CLIP4: variants seen among roughly 807,000 people sequenced by gnomAD.
CLIP4 encodes CAP-Gly domain containing linker protein family member 4.
In CLIP4, 47 loss-of-function variants were observed where a neutral mutation model predicts 73.1. The observed-to-expected ratio is 0.64, with a 90% CI of 0.51 to 0.82. The LOEUF (loss-of-function observed/expected upper bound fraction) is 0.82, where lower values mean the gene tolerates loss of function less well. Ranked by LOEUF, CLIP4 falls within the 40% of genes least tolerant of loss-of-function variation. The pLI is 0.00. For synonymous variants in CLIP4, 306 were observed against 295.4 expected, an observed-to-expected ratio of 1.04 and a Z score of -0.37; for missense variants, 874 against 852.9, an observed-to-expected ratio of 1.02 and a Z score of -0.31.
intron 7 of CLIP4, among the ~76,000 whole-genome samples, chr2:29,144,297 T>C (rs557518161): frequency 2.8e-4 from 42 of 152,232 alleles, no homozygotes; most frequent in Non-Finnish European, 5.4e-4. Context: ...TGCTCCTCCA[T>C]AGAAATGGAG....
In CLIP4 at chr2:29,140,909, G is replaced by A. The variant is rs554801406; in HGVS notation, c.649-2800G>A. Among the ~76,000 whole-genome samples the A allele has an allele frequency of 2.0e-5, 3 of 152,142 alleles. No homozygotes were observed. The South Asian group carries it at 6.2e-4, about 32-fold the overall frequency. ...AGGAGTGTCTGTTCTTATTTTTCTA[G>A]TTCCCTTAGGTGCAATGTTAGGTTG... On this transcript the variant is annotated intron_variant, in intron 6 of 15. Coordinates refer to ENST00000320081, the MANE Select transcript of CLIP4 (RefSeq NM_024692.6).
rs754774660 is a variant in CLIP4, at chr2:29,157,366, A to G, written c.1399+19A>G. 3.1e-6 allele frequency: 5 copies of G among 1,613,946 alleles called. No homozygotes were observed. Among genetic ancestry groups the G allele is most frequent in the Non-Finnish European group, 3.4e-6 (4 of 1,179,848 alleles). Reference sequence around the variant, plus strand: ...AGTGCTGGTATCTATGGCTTTTTCAACCAGGCTTTCTTGGTGTTTTTTATC... The same window carrying G: ...AGTGCTGGTATCTATGGCTTTTTCAGCCAGGCTTTCTTGGTGTTTTTTATC... On this transcript the variant is annotated intron_variant, in intron 11 of 15. Transcript: ENST00000320081.
In CLIP4 at chr2:29,125,555, C is replaced by T. The variant is rs187183760; in HGVS notation, c.133+4034C>T. ...GTCTCTTCAACTCAGCGAGTCCAGA[C>T]TCTTACTTAGCTCTGTCTCCTCAAC... On this transcript the variant is annotated intron_variant, in intron 2 of 15. Coordinates refer to ENST00000320081, the MANE Select transcript of CLIP4 (RefSeq NM_024692.6). 1.1e-3 allele frequency among the ~76,000 whole-genome samples: 164 copies of T among 152,228 alleles called. 2 individuals carry two copies. Among genetic ancestry groups the T allele is most frequent in the African/African-American group, 3.8e-3 (156 of 41,540 alleles).
chr2:29,106,870 C>T (rs1242866030), intron 1 of CLIP4, among the ~76,000 whole-genome samples: 1 of 152,120 alleles, frequency 6.6e-6, no homozygotes, highest in African/African-American at 2.4e-5. Context: ...TAGACAATAG[C>T]TTATTCTTCT....
At chr2:29,145,960 G>A (rs1202858337) in intron 8 of CLIP4, among the ~76,000 whole-genome samples, 3 of 152,250 alleles carry the variant, frequency 2.0e-5, no homozygotes, top group Non-Finnish European at 4.4e-5. Context: ...GGGATTACAG[G>A]CATGAGCCAC....
chr2:29,159,937 G>C (rs976254408), intron 11 of CLIP4, among the ~76,000 whole-genome samples: 12 of 152,238 alleles, frequency 7.9e-5, no homozygotes, highest in African/African-American at 2.9e-4. Context: ...TTCAATAGTT[G>C]TGGCAGAGGT....
upstream of CLIP4, among the ~76,000 whole-genome samples, chr2:29,112,608 G>A (rs554571609): frequency 1.3e-5 from 2 of 152,336 alleles, no homozygotes; most frequent in Non-Finnish European, 2.9e-5. Flanking sequence ...CAACCTTGCT[G>A]AGCTAACATT....
chr2:29,145,392 G>A (rs1165895147), intron 8 of CLIP4, 25 bp downstream of exon 8: 2 of 1,543,738 alleles, frequency 1.3e-6, no homozygotes, highest in Admixed American at 1.9e-5. Context: ...ATTTAACTCG[G>A]TAAGAATTAA....
intron 5 of CLIP4, among the ~76,000 whole-genome samples, chr2:29,135,319 G>T (rs1218383067): frequency 6.6e-6 from 1 of 152,126 alleles, no homozygotes; most frequent in Non-Finnish European, 1.5e-5. Context: ...GAAAATCCAA[G>T]ATAATATCAC....
chr2:29,156,990 G>T (rs192080634), intron 10 of CLIP4, among the ~76,000 whole-genome samples: 1 of 152,174 alleles, frequency 6.6e-6, no homozygotes, highest in Non-Finnish European at 1.5e-5. Flanking sequence ...TGATCTTACC[G>T]TGGGAATCCT....
At chr2:29,136,309 A>T (rs1417709383) in intron 6 of CLIP4, among the ~76,000 whole-genome samples, 2 of 151,918 alleles carry the variant, frequency 1.3e-5, no homozygotes, top group Admixed American at 1.3e-4. Flanking sequence ...TGAGCGGCAG[A>T]TAGTGTGCAG....
intron 1 of CLIP4, among the ~76,000 whole-genome samples, chr2:29,101,817 A>G (rs1668058200): frequency 6.6e-6 from 1 of 152,176 alleles, no homozygotes; most frequent in Non-Finnish European, 1.5e-5. Flanking sequence ...TTGGCTTCAC[A>G]TATATCTCAA....
chr2:29,121,817 C>A (rs180929846), intron 2 of CLIP4, among the ~76,000 whole-genome samples: 1 of 151,982 alleles, frequency 6.6e-6, no homozygotes, highest in African/African-American at 2.4e-5. Flanking sequence ...CATTCTTCTG[C>A]TATTGATGTA....
At chr2:29,180,754 T>C (rs1461710036) in intron 15 of CLIP4, among the ~76,000 whole-genome samples, 2 of 152,190 alleles carry the variant, frequency 1.3e-5, no homozygotes, top group Non-Finnish European at 2.9e-5. Context: ...TAGATTCTTT[T>C]TGCGTTATTT....
chr2:29,143,644 A>G, intron 6 of CLIP4, 65 bp from the exon 7 acceptor site: 1 of 1,108,320 alleles, frequency 9.0e-7, no homozygotes, highest in South Asian at 1.4e-5. Context: ...TCCAACAGAA[A>G]TTTTATATGA....
At chr2:29,136,744 G>A (rs188424834) in intron 6 of CLIP4, among the ~76,000 whole-genome samples, 33 of 152,192 alleles carry the variant, frequency 2.2e-4, no homozygotes, top group Middle Eastern at 3.4e-3. Flanking sequence ...AGAGAGTAGC[G>A]TGCAAGAAGC....
intron 2 of CLIP4, chr2:29,130,789 T>A: frequency 7.8e-7 from 1 of 1,287,670 alleles, no homozygotes; most frequent in Non-Finnish European, 1.0e-6. Flanking sequence ...GTACATAGTA[T>A]AATTTTGGAA....
intron 14 of CLIP4, 78 bp from the exon 15 acceptor site, chr2:29,174,295 A>G: frequency 8.5e-7 from 1 of 1,177,284 alleles, no homozygotes. Context: ...CATCTACAGA[A>G]GAAGTGATAA....
intron 1 of CLIP4, among the ~76,000 whole-genome samples, chr2:29,107,220 T>C (rs187969978): frequency 6.6e-6 from 1 of 152,246 alleles, no homozygotes; most frequent in East Asian, 1.9e-4. Flanking sequence ...TGAGAGTGGA[T>C]TGGTTTTGTA....
Sources: gnomAD v4.1 joint callset for allele counts (sites outside exome capture counted in the v4.1 genomes callset) on GRCh38, gnomAD v4.1.1 for gene constraint, MANE v1.5 for transcripts, NCBI Gene and HGNC (gene_info 2026-07-23, HGNC 2026-07-21) for gene names.